SPACA9: variants seen among roughly 807,000 people sequenced by gnomAD.
SPACA9 encodes the protein sperm acrosome-associated protein 9.
In SPACA9, 14 loss-of-function variants were observed where a neutral mutation model predicts 12.5. The ratio of observed to expected loss-of-function variants is 1.12; its 90% CI spans 0.74 to 1.75. SPACA9 has a LOEUF of 1.75. Among genes scored for constraint, SPACA9 ranks in the 40% most tolerant of loss-of-function variants. The pLI is 0.00. For synonymous variants in SPACA9, 111 were observed against 114.1 expected (o/e 0.97, Z 0.17); for missense variants, 292 against 291.9 (o/e 1.00, Z 0.00).
At chr9:132,881,837 T>C (rs1030207304) in intron 1 of SPACA9, among the ~76,000 whole-genome samples, 3 of 152,122 alleles carry the variant, frequency 2.0e-5, no homozygotes, top group African/African-American at 7.2e-5. Context: ...TATTTTCATC[T>C]TGATTGCCGA....
upstream of SPACA9, chr9:132,878,859 C>G (rs1303298283): frequency 1.1e-5 from 9 of 838,160 alleles, no homozygotes; most frequent in Middle Eastern, 6.0e-4. This position sits in a 1 kb window ranked among gnomAD's most constrained non-coding sequence, Gnocchi z 4.7. Flanking sequence ...CAATCACGCC[C>G]GCGGCCCCGC....
downstream of SPACA9, chr9:132,890,093 C>T (rs1844712636): frequency 1.8e-6 from 2 of 1,089,808 alleles, no homozygotes; most frequent in Non-Finnish European, 2.5e-6. Context: ...TCCCCTAAGA[C>T]ATCAAAGGAC....
chr9:132,878,773 C>T, upstream of SPACA9: 3 of 985,662 alleles, frequency 3.0e-6, no homozygotes, highest in Non-Finnish European at 3.6e-6. This position sits in a 1 kb window ranked among gnomAD's most constrained non-coding sequence, Gnocchi z 4.7. Flanking sequence ...TAGAGTCGAG[C>T]CCCGGTAGAC....
chr9:132,890,153 A>ATGCCCCCTTGCCT, downstream of SPACA9: 3 of 522,944 alleles, frequency 5.7e-6, no homozygotes, highest in Non-Finnish European at 9.1e-6. Context: ...CACCCTAGGC[A>ATGCCCCCTTGCCT]AGGGGGCATG....
chr9:132,886,022 C>T (rs559850144), intron 2 of SPACA9, among the ~76,000 whole-genome samples: 27 of 152,334 alleles, frequency 1.8e-4, no homozygotes, highest in African/African-American at 6.0e-4. Flanking sequence ...CTCCCCCTTA[C>T]GAAGCTGCTT....
At chr9:132,880,476 G>A (rs958338112) in intron 1 of SPACA9, among the ~76,000 whole-genome samples, 4 of 152,130 alleles carry the variant, frequency 2.6e-5, no homozygotes, top group African/African-American at 7.2e-5. Context: ...CCACCATGAT[G>A]AGGGAAAAGC....
rs1844698986 is a variant in SPACA9 at position 132,889,756 on chromosome 9, G to C, written c.*1145G>C. 5 of 1,270,174 alleles carry C rather than the reference G, an allele frequency of 3.9e-6. No individual in the cohort carries two copies. The highest frequency in any genetic ancestry group is 4.0e-6 in the Non-Finnish European group (4 of 995,228). 78.7% of individuals were successfully genotyped at this position (1,270,174 alleles called of 1,614,324 possible). The stretch of plus-strand genomic sequence containing the variant: ...TTTAGTTCTCTGGACCACAGCCAAA[G>C]GGGAATAAACTCACCTTTCCTTCGC... On this transcript the variant is annotated 3_prime_UTR_variant, in exon 4 of 4. Coordinates refer to ENST00000356311, the MANE Select transcript of SPACA9 (RefSeq NM_001316897.2).
Position 132,888,772 on chromosome 9 carries a change from CTTCT to C in SPACA9, c.*164_*167del. On this transcript the variant is annotated 3_prime_UTR_variant, in exon 4 of 4. Transcript: ENST00000356311. This position sits in a 1 kb window ranked among gnomAD's most constrained non-coding sequence, Gnocchi z 5.0. Reference sequence around the variant, plus strand: ...CTTCCTCTCTCTCTTCTTGCTTTAACTTCTTTTTTTTTTGAGACGGAGTCTCGCT... The same window carrying C: ...CTTCCTCTCTCTCTTCTTGCTTTAACTTTTTTTTTGAGACGGAGTCTCGCT... 5.7e-6 allele frequency: 8 copies of C among 1,397,276 alleles called. No homozygotes were observed. The highest frequency in any genetic ancestry group is 7.4e-6 in the Non-Finnish European group (8 of 1,080,350). 86.6% of individuals were successfully genotyped at this position (1,397,276 alleles called of 1,614,324 possible). A position where few individuals can be genotyped will look rare whatever the true frequency, so the allele number is the denominator to read the frequency against.
chr9:132,884,645 T>G (rs1204891910), intron 2 of SPACA9, among the ~76,000 whole-genome samples: 1 of 139,354 alleles, frequency 7.2e-6, no homozygotes, highest in Non-Finnish European at 1.6e-5. Flanking sequence ...TGTTAGGGGC[T>G]GGAGCTGCAG....
downstream of SPACA9, chr9:132,890,188 G>A (rs1844714263): frequency 5.4e-6 from 2 of 369,618 alleles, no homozygotes; most frequent in East Asian, 8.3e-5. Flanking sequence ...GCTTCTAAGA[G>A]GCTCATGCCC....
In SPACA9 at chr9:132,889,955, A is replaced by T; in HGVS notation, c.*1344A>T. The T allele has an allele frequency of 6.6e-7, 1 of 1,508,276 alleles. No individual in the cohort carries two copies. The highest frequency in any genetic ancestry group is 8.9e-7 in the Non-Finnish European group (1 of 1,121,920). 93.4% of individuals were successfully genotyped at this position (1,508,276 alleles called of 1,614,324 possible). Reference sequence around the variant, plus strand: ...TCTGACTGTTGGTTTTTCCCTTCACAGGGGACGACTTAGCTTCTGTATTAT... The same window carrying T: ...TCTGACTGTTGGTTTTTCCCTTCACTGGGGACGACTTAGCTTCTGTATTAT... On this transcript the variant is annotated 3_prime_UTR_variant, in exon 4 of 4. Coordinates refer to ENST00000356311, the MANE Select transcript of SPACA9 (RefSeq NM_001316897.2).
rs1465189379 is a variant in SPACA9, at chr9:132,887,635, T to C, written c.347+64T>C. The C allele has an allele frequency of 1.6e-5, 23 of 1,399,078 alleles. No individual in the cohort carries two copies. The highest frequency in any genetic ancestry group is 2.3e-5 in the Non-Finnish European group (23 of 992,744). 86.7% of individuals were successfully genotyped at this position (1,399,078 alleles called of 1,614,324 possible). On this transcript the variant is annotated intron_variant, in intron 3 of 3. Coordinates refer to ENST00000356311, the MANE Select transcript of SPACA9 (RefSeq NM_001316897.2). This position sits in a 1 kb window ranked among gnomAD's most constrained non-coding sequence, Gnocchi z 5.4. ...GCCTGTGGGGAGGCCTCTGTCCTGC[T>C]TCTTTCCTGTTGCCTGGATCATGGT...
Position 132,887,092 on chromosome 9 carries a change from G to A in SPACA9, c.145-277G>A, listed in dbSNP as rs754545530. ...GCCTCCCAAAGTGCGGGGATTACAC[G>A]TGTGAGCCACTGTGCCCAACCGATC... On this transcript the variant is annotated intron_variant, in intron 2 of 3. Coordinates refer to ENST00000356311, the MANE Select transcript of SPACA9 (RefSeq NM_001316897.2). The surrounding 1 kb of genome is among the most constrained non-coding windows in gnomAD (Gnocchi z 5.4). Among the ~76,000 whole-genome samples the A allele has an allele frequency of 2.0e-5, 3 of 152,000 alleles. No individual in the cohort carries two copies. Among genetic ancestry groups the A allele is most frequent in the Non-Finnish European group, 2.9e-5 (2 of 68,010 alleles).
At chr9:132,883,815 C>A in intron 1 of SPACA9, 96 bp from the exon 2 acceptor site, 3 of 966,412 alleles carry the variant, frequency 3.1e-6, no homozygotes, top group Non-Finnish European at 4.8e-6. Flanking sequence ...GTGAGAGGGG[C>A]CATGGGTATC....
At chr9:132,883,163 C>G (rs538418652) in intron 1 of SPACA9, among the ~76,000 whole-genome samples, 1 of 152,268 alleles carries the variant, frequency 6.6e-6, no homozygotes, top group Admixed American at 6.5e-5. Context: ...AGAGAGTCCT[C>G]CCCACAGCCT....
At chr9:132,878,649 C>A, upstream of SPACA9, 3 of 1,021,134 alleles carry the variant, frequency 2.9e-6, no homozygotes, top group Non-Finnish European at 3.5e-6. This position sits in a 1 kb window ranked among gnomAD's most constrained non-coding sequence, Gnocchi z 4.7. Context: ...TCAGTTTACC[C>A]ATCTTTAAAA....
In SPACA9 at chr9:132,888,571, G is replaced by A; in HGVS notation, c.629G>A (p.Cys210Tyr). ...LTKASLKPRG[C>Y]SKPPWRPPGG... ...AAAGCCAGCCTCAAACCCAGGGGAT[G>A]TTCAAAACCACCCTGGAGGCCTCCT... is the stretch of plus-strand genomic sequence containing the variant. The change falls in exon 4 of 4, where the codon TGT becomes TAT. Residue 210 changes from cysteine to tyrosine, a missense_variant. By Grantham distance (194) the Cys-to-Tyr change is radical (BLOSUM62 -2). Coordinates refer to ENST00000356311, the MANE Select transcript of SPACA9 (RefSeq NM_001316897.2). The surrounding 1 kb of genome is among the most constrained non-coding windows in gnomAD (Gnocchi z 5.0). 2 of 1,549,410 alleles carry A rather than the reference G, an allele frequency of 1.3e-6. No individual in the cohort carries two copies. Among genetic ancestry groups the A allele is most frequent in the East Asian group, 2.4e-5 (1 of 40,894 alleles).
chr9:132,882,587 T>C (rs1307963854), intron 1 of SPACA9, among the ~76,000 whole-genome samples: 3 of 151,572 alleles, frequency 2.0e-5, no homozygotes, highest in East Asian at 3.9e-4. Context: ...CCAGCCCTGC[T>C]CTGGACACAG....
chr9:132,888,773 TTC>T lies in SPACA9; in HGVS notation c.*164_*165del, dbSNP rs1588271060. ...TTCCTCTCTCTCTTCTTGCTTTAAC[TTC>T]TTTTTTTTTTGAGACGGAGTCTCGC... On this transcript the variant is annotated 3_prime_UTR_variant, in exon 4 of 4. Transcript: ENST00000356311. This position sits in a 1 kb window ranked among gnomAD's most constrained non-coding sequence, Gnocchi z 5.0. The T allele has an allele frequency of 9.3e-6, 13 of 1,395,976 alleles. No homozygotes were observed. The highest frequency in any genetic ancestry group is 4.5e-5 in the African/African-American group (3 of 67,136). 86.5% of individuals were successfully genotyped at this position (1,395,976 alleles called of 1,614,324 possible).
Sources: gnomAD v4.1 joint callset for allele counts (sites outside exome capture counted in the v4.1 genomes callset) on GRCh38, gnomAD v4.1.1 for gene constraint, Gnocchi (gnomAD v3.1) non-coding constraint, MANE v1.5 for transcripts, NCBI Gene and HGNC (gene_info 2026-07-23, HGNC 2026-07-21) for gene names.